Variants in C4orf50 observed in about 807,000 individuals in gnomAD.
The protein encoded by C4orf50 is uncharacterized protein C4orf50.
In C4orf50, 80 loss-of-function variants were observed where a neutral mutation model predicts 77.2. The ratio of observed to expected loss-of-function variants is 1.04; its 90% confidence interval spans 0.87 to 1.25. The LOEUF (loss-of-function observed/expected upper bound fraction) is 1.25. Ranked by LOEUF, C4orf50 falls within the 50% of genes most tolerant of loss-of-function variation. The probability of loss-of-function intolerance (pLI) is 0.00; values close to 1 mark genes in which losing one functional copy is unlikely to be tolerated. For missense variants in C4orf50, 1,257 were observed against 1,152.9 expected, an observed-to-expected ratio of 1.09 and a Z score of -1.31; for synonymous variants, 532 against 465.3, an observed-to-expected ratio of 1.14 and a Z score of -1.84.
exon 28 of C4orf50, chr4:5,989,941 C>T (rs1338427628): frequency 3.5e-6 from 5 of 1,422,528 alleles, no homozygotes; most frequent in Non-Finnish European, 3.7e-6. Flanking sequence ...TTCCTCCTTG[C>T]CCCTAGCTGT....
chr4:5,956,258 T>C (rs553963538), downstream of C4orf50, among the ~76,000 whole-genome samples: 15 of 152,254 alleles, frequency 9.9e-5, no homozygotes, highest in Admixed American at 3.3e-4. Flanking sequence ...TGCTCATGAT[T>C]TCTCCTAGCT....
In C4orf50 at chr4:5,919,506, T is replaced by C. The variant is rs916014482; in HGVS notation, c.*2475-21318A>G. Among the ~76,000 whole-genome samples, 3 of 152,104 alleles carry C rather than the reference T, an allele frequency of 2.0e-5. No homozygotes were observed. The highest frequency in any genetic ancestry group is 6.5e-5 in the Admixed American group (1 of 15,284). Reference sequence around the variant, plus strand: ...CCCACAGAGACTGTGCAGGAGGCCATGTCGAGGACGTCTCCCAGGAAGGTT... The same window carrying C: ...CCCACAGAGACTGTGCAGGAGGCCACGTCGAGGACGTCTCCCAGGAAGGTT... On this transcript the variant is annotated intron_variant, in intron 7 of 7. Coordinates refer to the C4orf50 transcript ENST00000324058. This position sits in a 1 kb window ranked among gnomAD's most constrained non-coding sequence, Gnocchi z 6.5.
intron 7 of C4orf50, among the ~76,000 whole-genome samples, chr4:5,943,579 T>C (rs1048253275): frequency 2.0e-5 from 3 of 152,228 alleles, no homozygotes; most frequent in African/African-American, 7.2e-5. Context: ...GGGTATCCTC[T>C]TTCTTGTTCC....
At chr4:5,991,160 C>T (rs1721263017) in intron 27 of C4orf50, among the ~76,000 whole-genome samples, 2 of 152,256 alleles carry the variant, frequency 1.3e-5, no homozygotes, top group African/African-American at 4.8e-5. Flanking sequence ...CAGCACCCTC[C>T]ATGCCCTCAC....
At chr4:6,010,149 C>T (rs184518783) in intron 24 of C4orf50, among the ~76,000 whole-genome samples, 3 of 152,140 alleles carry the variant, frequency 2.0e-5, no homozygotes, top group Admixed American at 1.3e-4. Flanking sequence ...GGGCATGGCT[C>T]GAAAAGTATT....
chr4:5,914,651 A>T (rs974421682), intron 7 of C4orf50, among the ~76,000 whole-genome samples: 16 of 152,226 alleles, frequency 1.1e-4, no homozygotes, highest in African/African-American at 3.9e-4. Flanking sequence ...AAGCCAGCAG[A>T]TCTATCTGAA....
At chr4:6,001,951 C>A (rs1222822353) in intron 25 of C4orf50, among the ~76,000 whole-genome samples, 2 of 152,242 alleles carry the variant, frequency 1.3e-5, no homozygotes, top group Non-Finnish European at 2.9e-5. Flanking sequence ...ACAAAAGAGG[C>A]TCCTGGGGTC....
rs989492224 is a variant in C4orf50 at position 5,905,712 on chromosome 4, A to G, written c.*2475-7524T>C. Among the ~76,000 whole-genome samples, 3 of 152,178 alleles carry G rather than the reference A, an allele frequency of 2.0e-5. No individual in the cohort carries two copies. Among genetic ancestry groups the G allele is most frequent in the African/African-American group, 7.2e-5 (3 of 41,448 alleles). On this transcript the variant is annotated intron_variant, in intron 7 of 7. Coordinates refer to the C4orf50 transcript ENST00000324058. The surrounding 1 kb of genome is among the most constrained non-coding windows in gnomAD (Gnocchi z 5.4). ...ACCCTTGACATGATATGGAAATTTT[A>G]TGTTACTAAGCATTCATGCACATTC...
At chr4:5,982,972 T>C (rs1433060956) in intron 28 of C4orf50, among the ~76,000 whole-genome samples, 17 of 152,184 alleles carry the variant, frequency 1.1e-4, no homozygotes. Flanking sequence ...GCCAGAGCAC[T>C]GCTCACTGTA....
At chr4:5,955,622 A>G (rs963506356), downstream of C4orf50, among the ~76,000 whole-genome samples, 3 of 152,278 alleles carry the variant, frequency 2.0e-5, no homozygotes, top group South Asian at 6.2e-4. The surrounding 1 kb of genome is among the most constrained non-coding windows in gnomAD (Gnocchi z 5.1). Flanking sequence ...GGCTGAGCCC[A>G]AAGGCCACTT....
intron 7 of C4orf50, among the ~76,000 whole-genome samples, chr4:5,929,704 GCT>G (rs1717677687): frequency 6.6e-6 from 1 of 152,234 alleles, no homozygotes; most frequent in Non-Finnish European, 1.5e-5. Context: ...GCTGCCCAGC[GCT>G]CTGTGAGCGC....
At chr4:5,986,838 T>G (rs908836030) in intron 28 of C4orf50, among the ~76,000 whole-genome samples, 2 of 152,092 alleles carry the variant, frequency 1.3e-5, no homozygotes, top group Admixed American at 6.5e-5. Context: ...TGCCTGGCCC[T>G]AACAATGTCA....
intron 7 of C4orf50, among the ~76,000 whole-genome samples, chr4:5,933,177 C>T (rs936403090): frequency 3.9e-5 from 6 of 152,186 alleles, no homozygotes; most frequent in African/African-American, 1.4e-4. Flanking sequence ...CCTCGTCTCT[C>T]ACAGAGGGTG....
chr4:5,980,292 C>T (rs146706396), exon 29 of C4orf50: 19 of 1,612,702 alleles, frequency 1.2e-5, no homozygotes, highest in South Asian at 9.9e-5. Flanking sequence ...CTGCTGGGCC[C>T]GCAGCCTGGG....
At chr4:5,964,181 C>T (rs1267906000) in intron 33 of C4orf50, among the ~76,000 whole-genome samples, 2 of 152,082 alleles carry the variant, frequency 1.3e-5, no homozygotes, top group Non-Finnish European at 2.9e-5. Context: ...AGGGTCTGTG[C>T]AGGAAGGAGC....
intron 25 of C4orf50, among the ~76,000 whole-genome samples, chr4:6,004,352 C>T (rs200674258): frequency 0.058 from 905 of 15,542 alleles, no homozygotes; most frequent in Non-Finnish European, 0.077. Flanking sequence ...GTGATGATGA[C>T]GGTGATGGTG....
rs557426594 is a variant in C4orf50 at position 5,991,711 on chromosome 4, T to C, written c.1222-887A>G. Among the ~76,000 whole-genome samples, 95 of 151,906 alleles carry C rather than the reference T, an allele frequency of 6.3e-4. 1 individual carries two copies. The highest frequency in any genetic ancestry group is 3.4e-4 in the Non-Finnish European group (23 of 67,912). On this transcript the variant is annotated intron_variant, in intron 27 of 33. Transcript: ENST00000531445. ...GAATAGCTGGGAGAGGCTGAGCAGG[T>C]CTAAGACACAGAAGAGAAGGACAGA...
At chr4:5,966,098 C>G (rs1719548689) in intron 32 of C4orf50, among the ~76,000 whole-genome samples, 1 of 152,200 alleles carries the variant, frequency 6.6e-6, no homozygotes, top group African/African-American at 2.4e-5. Flanking sequence ...CCACCTGTTC[C>G]CCCAAAACTA....
intron 32 of C4orf50, among the ~76,000 whole-genome samples, chr4:5,966,609 A>C (rs1719581345): frequency 6.6e-6 from 1 of 151,870 alleles, no homozygotes; most frequent in Admixed American, 6.6e-5. Flanking sequence ...CCAGATGTGC[A>C]CATCGAATTA....
Sources: allele counts gnomAD v4.1 joint callset (sites outside exome capture counted in the v4.1 genomes callset), GRCh38; gene constraint gnomAD v4.1.1; non-coding constraint Gnocchi (gnomAD v3.1); transcripts MANE v1.5; gene names NCBI Gene and HGNC (gene_info 2026-07-23, HGNC 2026-07-21).